The following DDX10 variants were observed in gnomAD, a reference collection of about 807,000 sequenced individuals.
DDX10 encodes probable ATP-dependent RNA helicase DDX10.
Under a neutral mutation model 104.3 loss-of-function variants are expected in DDX10, and 74 were observed. The observed-to-expected ratio is 0.71, with a 90% confidence interval of 0.59 to 0.86. The LOEUF is 0.86. DDX10 is among the 40% of genes least tolerant of loss of function. DDX10 has a pLI of 0.00. For missense variants in DDX10, 952 were observed against 1,040.0 expected (o/e 0.92, Z 1.16); for synonymous variants, 351 against 353.4 (o/e 0.99, Z 0.08).
intron 7 of DDX10, among the ~76,000 whole-genome samples, chr11:108,691,436 T>C (rs952859081): frequency 2.0e-5 from 3 of 152,218 alleles, no homozygotes; most frequent in Non-Finnish European, 4.4e-5. Context: ...CATTGAGATA[T>C]ATTTACAATG....
At chr11:108,869,430 G>A (rs1361712739) in intron 16 of DDX10, among the ~76,000 whole-genome samples, 1 of 152,096 alleles carries the variant, frequency 6.6e-6, no homozygotes, top group Non-Finnish European at 1.5e-5. Flanking sequence ...AATAAGACAT[G>A]TCAGCAGGTC....
intron 8 of DDX10, among the ~76,000 whole-genome samples, chr11:108,692,847 C>T (rs981279112): frequency 4.6e-5 from 7 of 152,136 alleles, no homozygotes; most frequent in Non-Finnish European, 1.0e-4. Context: ...CCTCAGCTTC[C>T]CCAGCAGCTG....
chr11:108,753,147 TTTAA>T (rs1371093708), intron 13 of DDX10, among the ~76,000 whole-genome samples: 1 of 152,050 alleles, frequency 6.6e-6, no homozygotes, highest in Admixed American at 6.6e-5. Flanking sequence ...CAAATGTGTG[TTTAA>T]TTGTTTTCTA....
At chr11:108,683,863 G>A (rs923317853) in intron 6 of DDX10, among the ~76,000 whole-genome samples, 24 of 152,130 alleles carry the variant, frequency 1.6e-4, no homozygotes, top group Admixed American at 5.2e-4. Context: ...AAGGTTAGCA[G>A]TATTTGTTTT....
At chr11:108,763,588 A>G (rs1457968007) in intron 13 of DDX10, among the ~76,000 whole-genome samples, 1 of 152,122 alleles carries the variant, frequency 6.6e-6, no homozygotes, top group Non-Finnish European at 1.5e-5. Context: ...TCCTTTTAAA[A>G]TGGGCTAAAA....
At chr11:108,878,947 G>A (rs1863188941) in intron 16 of DDX10, among the ~76,000 whole-genome samples, 1 of 152,128 alleles carries the variant, frequency 6.6e-6, no homozygotes, top group African/African-American at 2.4e-5. Context: ...TCCACATTTG[G>A]CACTAACTAG....
chr11:108,785,497 C>G (rs1477372199), intron 13 of DDX10, among the ~76,000 whole-genome samples: 2 of 152,088 alleles, frequency 1.3e-5, no homozygotes, highest in Non-Finnish European at 2.9e-5. Context: ...CCTTGATTTT[C>G]TTGGAATAGA....
intron 16 of DDX10, among the ~76,000 whole-genome samples, chr11:108,874,501 G>A (rs949242683): frequency 1.3e-5 from 2 of 151,944 alleles, no homozygotes; most frequent in African/African-American, 4.8e-5. Context: ...AGAGTTATCC[G>A]TTAGCATGAC....
chr11:108,748,894 C>CT (rs1042292589), intron 13 of DDX10, among the ~76,000 whole-genome samples: 14 of 150,732 alleles, frequency 9.3e-5, no homozygotes, highest in Admixed American at 1.3e-4. Flanking sequence ...TAAAACTTTT[C>CT]TTTTTTTTAA....
chr11:108,767,727 A>G (rs1388100573), intron 13 of DDX10, among the ~76,000 whole-genome samples: 1 of 152,118 alleles, frequency 6.6e-6, no homozygotes, highest in African/African-American at 2.4e-5. Flanking sequence ...TTATGTGTGG[A>G]ACTGCCTATA....
chr11:108,674,793 C>T (rs1335234244), intron 2 of DDX10, among the ~76,000 whole-genome samples: 2 of 152,166 alleles, frequency 1.3e-5, no homozygotes, highest in African/African-American at 4.8e-5. Context: ...GGATTATAGG[C>T]GTGAGCCACC....
intron 13 of DDX10, among the ~76,000 whole-genome samples, chr11:108,765,512 T>A (rs761784853): frequency 1.7e-4 from 26 of 152,220 alleles, no homozygotes; most frequent in Non-Finnish European, 2.6e-4. Flanking sequence ...AGAAAAATAT[T>A]TGTAGCCCTA....
Position 108,841,437 on chromosome 11 carries a change from CAAAG to C in DDX10, c.2211_2214del (p.Glu738AsnfsTer15). 6.2e-7 allele frequency: 1 copy of C among 1,613,702 alleles called. No individual in the cohort carries two copies. Among genetic ancestry groups the C allele is most frequent in the Non-Finnish European group, 8.5e-7 (1 of 1,179,812 alleles). On this transcript the variant is annotated frameshift_variant, in exon 15 of 18. Transcript: ENST00000322536. LOFTEE classifies it high-confidence loss of function. ...GACTTCAGGAAGAGGACAAATTTGA[CAAAG>C]AAGAATATAGGAAAAAAATTAAGGC...
intron 16 of DDX10, among the ~76,000 whole-genome samples, chr11:108,863,061 T>G (rs1393260213): frequency 6.6e-6 from 1 of 152,216 alleles, no homozygotes; most frequent in East Asian, 1.9e-4. Flanking sequence ...TTACCATAGA[T>G]TCTGGTTATT....
chr11:108,822,201 G>T (rs574496394), intron 13 of DDX10: 1 of 191,962 alleles, frequency 5.2e-6, no homozygotes, highest in Non-Finnish European at 1.1e-5. Flanking sequence ...TTAAAATCAG[G>T]ACTGCCCAAC....
At chr11:108,674,535 G>A (rs998167507) in intron 2 of DDX10, among the ~76,000 whole-genome samples, 1 of 150,466 alleles carries the variant, frequency 6.6e-6, no homozygotes, top group African/African-American at 2.4e-5. Context: ...TTTTAAGATA[G>A]GGTCTTGCTC....
At chr11:108,680,302 A>G (rs1464161872) in intron 6 of DDX10, among the ~76,000 whole-genome samples, 3 of 152,152 alleles carry the variant, frequency 2.0e-5, no homozygotes, top group African/African-American at 7.2e-5. Flanking sequence ...ACAGCCTTCA[A>G]CTTCTGGGCT....
rs147758305 is a variant in DDX10 at position 108,895,373 on chromosome 11, A to G, written c.2305-22500A>G. Among the ~76,000 whole-genome samples the G allele has an allele frequency of 2.3e-4, 35 of 151,858 alleles. 1 individual carries two copies. Among genetic ancestry groups the G allele is most frequent in the South Asian group, 1.5e-3 (7 of 4,812 alleles). ...AACTCAGTCAAAAAAAAAGCTCATT[A>G]GTCTCTTATTAAGTGATCTTTTCCT... On this transcript the variant is annotated intron_variant, in intron 16 of 17. Transcript: ENST00000322536.
At chr11:108,913,473 C>G (rs186868704) in intron 16 of DDX10, among the ~76,000 whole-genome samples, 80 of 152,260 alleles carry the variant, frequency 5.3e-4, no homozygotes, top group African/African-American at 1.9e-3. Context: ...ATTTGTCTCA[C>G]ATGAGCAGAG....
Sources: allele counts gnomAD v4.1 joint callset (sites outside exome capture counted in the v4.1 genomes callset), GRCh38; gene constraint gnomAD v4.1.1; transcripts MANE v1.5; gene names NCBI Gene and HGNC (gene_info 2026-07-23, HGNC 2026-07-21).